Variants in BBS9 observed in about 807,000 individuals in gnomAD.
BBS9 encodes the protein protein PTHB1.
Under a neutral mutation model 117.7 loss-of-function variants are expected in BBS9, and 89 were observed. The ratio of observed to expected loss-of-function variants is 0.76; its 90% confidence interval spans 0.64 to 0.90. BBS9 has a LOEUF of 0.90. Among genes scored for constraint, BBS9 ranks in the 40% least tolerant of loss-of-function variants. The probability of loss-of-function intolerance (pLI) is 0.00; values close to 1 mark genes in which losing one functional copy is unlikely to be tolerated. For missense variants in BBS9, 982 were observed against 1,042.2 expected, an observed-to-expected ratio of 0.94 and a Z score of 0.80; for synonymous variants, 379 against 370.9, an observed-to-expected ratio of 1.02 and a Z score of -0.25.
chr7:33,184,137 A>C (rs1370349152), intron 5 of BBS9, among the ~76,000 whole-genome samples: 1 of 151,952 alleles, frequency 6.6e-6, no homozygotes, highest in African/African-American at 2.4e-5. Flanking sequence ...GAAGAAAGGC[A>C]AGGGAAGGGA....
rs774509877 is a variant in BBS9, at chr7:33,264,300, C to T, written c.628C>T (p.Leu210Phe). ...ATTTCTTTCATACAGGTACCAGGTACTTGCTTTTGCAACAGATGCAGATAA... is the reference window on the plus strand; with the variant it reads ...ATTTCTTTCATACAGGTACCAGGTATTTGCTTTTGCAACAGATGCAGATAA... ...QQVESYKYQV[L>F]AFATDADKRQ... is the part of the protein sequence containing the mutation. Residue 210 changes from leucine (L) to phenylalanine (F), a missense_variant, in exon 7 of 23, where the codon CTT (leucine) becomes TTT (phenylalanine). By Grantham distance (22) the Leu-to-Phe change is conservative (BLOSUM62 0). Coordinates refer to ENST00000242067, the MANE Select transcript of BBS9 (RefSeq NM_198428.3). 6.5e-7 allele frequency: 1 copy of T among 1,546,678 alleles called. No individual in the cohort carries two copies.
intron 9 of BBS9, among the ~76,000 whole-genome samples, chr7:33,284,564 A>G (rs1802523845): frequency 2.0e-5 from 3 of 151,984 alleles, no homozygotes; most frequent in African/African-American, 4.8e-5. Flanking sequence ...ATCTGTTTAA[A>G]CCATTTGTTT....
chr7:33,546,096 G>T (rs1853313572), intron 21 of BBS9, among the ~76,000 whole-genome samples: 1 of 151,744 alleles, frequency 6.6e-6, no homozygotes, highest in South Asian at 2.1e-4. Context: ...ACCGCGCCTG[G>T]CTAATTTTTT....
chr7:33,340,765 A>C, intron 10 of BBS9, 132 bp from the exon 11 acceptor site: 1 of 669,470 alleles, frequency 1.5e-6, no homozygotes. Flanking sequence ...ACTGTAATGC[A>C]TTAGTTTTTT....
At chr7:33,505,816 C>CT in intron 20 of BBS9, 171 bp downstream of exon 20, 1 of 711,470 alleles carries the variant, frequency 1.4e-6, no homozygotes, top group African/African-American at 1.8e-5. Context: ...AAACAAAGGC[C>CT]TTTTTCTGTA....
intron 21 of BBS9, chr7:33,534,406 T>C (rs1851055075): frequency 1.7e-6 from 1 of 575,354 alleles, no homozygotes; most frequent in Admixed American, 2.9e-5. Context: ...TTCTCTCTGC[T>C]TTTAAATATA....
intron 9 of BBS9, among the ~76,000 whole-genome samples, chr7:33,289,810 A>G (rs189024355): frequency 6.6e-6 from 1 of 152,084 alleles, no homozygotes; most frequent in Non-Finnish European, 1.5e-5. Flanking sequence ...TTGGGAGGCC[A>G]AGGTGGGCAG....
chr7:33,234,699 CCACACA>C (rs58160238), intron 5 of BBS9, among the ~76,000 whole-genome samples: 3 of 149,784 alleles, frequency 2.0e-5, no homozygotes, highest in African/African-American at 7.4e-5. Flanking sequence ...CTCCATCTAT[CCACACA>C]CACACACACA....
At chr7:33,449,958 G>A (rs548831781) in intron 19 of BBS9, among the ~76,000 whole-genome samples, 72 of 152,142 alleles carry the variant, frequency 4.7e-4, no homozygotes, top group Non-Finnish European at 9.4e-4. Context: ...TTGTGCAACA[G>A]ATCTCAGACC....
chr7:33,247,249 AG>A lies in BBS9; in HGVS notation c.443-9985del, dbSNP rs543288705. 6.1e-3 allele frequency among the ~76,000 whole-genome samples: 934 copies of A among 152,210 alleles called. 13 individuals are homozygous for A. The highest frequency in any genetic ancestry group is 0.021 in the African/African-American group (888 of 41,506). Reference sequence around the variant, plus strand: ...ATTTAGTGAATGCTTGCTAGGTACTAGGCAGTATGTATTTTAATTATATTTA... The same window carrying A: ...ATTTAGTGAATGCTTGCTAGGTACTAGCAGTATGTATTTTAATTATATTTA... On this transcript the variant is annotated intron_variant, in intron 5 of 22. Transcript: ENST00000242067.
At chr7:33,300,056 C>T (rs994141116) in intron 9 of BBS9, among the ~76,000 whole-genome samples, 2 of 152,134 alleles carry the variant, frequency 1.3e-5, no homozygotes, top group Non-Finnish European at 2.9e-5. Context: ...GGAACTATTA[C>T]CGTTCCTGTA....
At position 33,378,461 on chromosome 7, in the gene BBS9, G is replaced by A. The variant is rs577307403; in HGVS notation, c.1790-5205G>A. Among the ~76,000 whole-genome samples the A allele has an allele frequency of 7.2e-5, 11 of 152,314 alleles. No individual in the cohort carries two copies. The South Asian group carries it at 2.3e-3, about 32-fold the overall frequency. ...TCTTTCCTTTGAACCTACTGCATGT[G>A]ATGTTTCTCTGTTACTTTATCTTTA... On this transcript the variant is annotated intron_variant, in intron 17 of 22. Transcript: ENST00000242067.
At chr7:33,310,094 C>T (rs1808899930) in intron 9 of BBS9, among the ~76,000 whole-genome samples, 1 of 152,200 alleles carries the variant, frequency 6.6e-6, no homozygotes, top group Admixed American at 6.5e-5. Context: ...GTAGCTGTCT[C>T]AAAATCCAAG....
chr7:33,324,267 A>G (rs1812355717), intron 9 of BBS9, among the ~76,000 whole-genome samples: 1 of 152,140 alleles, frequency 6.6e-6, no homozygotes, highest in African/African-American at 2.4e-5. Flanking sequence ...ATATGATCTT[A>G]CAACCCATTA....
intron 19 of BBS9, among the ~76,000 whole-genome samples, chr7:33,411,966 A>G (rs1207727306): frequency 1.3e-5 from 2 of 152,192 alleles, no homozygotes; most frequent in Non-Finnish European, 2.9e-5. Flanking sequence ...ACCATTGAGG[A>G]TGATTATTTA....
At chr7:33,542,804 C>T (rs1488088139) in intron 21 of BBS9, among the ~76,000 whole-genome samples, 2 of 78,130 alleles carry the variant, frequency 2.6e-5, no homozygotes, top group East Asian at 6.7e-4. Context: ...CACACACACA[C>T]ACACACACAC....
At chr7:33,370,047 C>T (rs551041867) in intron 17 of BBS9, among the ~76,000 whole-genome samples, 30 of 152,202 alleles carry the variant, frequency 2.0e-4, no homozygotes, top group African/African-American at 6.7e-4. Flanking sequence ...ATTTTAGTTC[C>T]TTTTTCTGAT....
intron 19 of BBS9, among the ~76,000 whole-genome samples, chr7:33,440,271 A>G (rs1835972463): frequency 6.6e-6 from 1 of 152,250 alleles, no homozygotes; most frequent in Non-Finnish European, 1.5e-5. Context: ...AATTTGAGAT[A>G]TTAGTGTTAT....
rs916536227 is a variant in BBS9, at chr7:33,563,932, A to C, written c.2521+29756A>C. On this transcript the variant is annotated intron_variant, in intron 21 of 22. Coordinates refer to ENST00000242067, the MANE Select transcript of BBS9 (RefSeq NM_198428.3). ...GAAAGCAGCTAACTTAAGACTGCAGATCTCTGTATATTGCTGCCGATAAGA... is the reference window on the plus strand; with the variant it reads ...GAAAGCAGCTAACTTAAGACTGCAGCTCTCTGTATATTGCTGCCGATAAGA... 8.5e-5 allele frequency among the ~76,000 whole-genome samples: 13 copies of C among 152,198 alleles called. No homozygotes were observed. The East Asian group carries it at 2.5e-3, about 29-fold the overall frequency.
Sources: allele counts gnomAD v4.1 joint callset (sites outside exome capture counted in the v4.1 genomes callset), GRCh38; gene constraint gnomAD v4.1.1; transcripts MANE v1.5; gene names NCBI Gene and HGNC (gene_info 2026-07-23, HGNC 2026-07-21).